CRACDL: variants seen among roughly 807,000 people sequenced by gnomAD.
CRACDL encodes CRACD-like protein.
CRACDL carries 26 observed loss-of-function variants against 70.6 expected under a neutral mutation model. The observed-to-expected ratio is 0.37, with a 90% CI of 0.27 to 0.51. CRACDL has a LOEUF of 0.51. Ranked by LOEUF, CRACDL falls within the 20% of genes least tolerant of loss-of-function variation. CRACDL has a pLI of 0.94. For missense variants in CRACDL, 1,283 were observed against 1,376.9 expected (o/e 0.93, Z 1.08); for synonymous variants, 618 against 615.2 (o/e 1.00, Z -0.07).
chr2:98,859,124 C>T (rs1013408651), intron 1 of CRACDL, among the ~76,000 whole-genome samples: 2 of 152,160 alleles, frequency 1.3e-5, no homozygotes, highest in Admixed American at 1.3e-4. Context: ...GTGACACTTT[C>T]CAGCTCATTG....
At position 98,822,514 on chromosome 2, in the gene CRACDL, C is replaced by T; in HGVS notation, c.1759G>A (p.Val587Ile). The T allele has an allele frequency of 6.9e-7, 1 of 1,458,290 alleles. No homozygotes were observed. Among genetic ancestry groups the T allele is most frequent in the Non-Finnish European group, 9.0e-7 (1 of 1,113,958 alleles). 90.3% of individuals were successfully genotyped at this position (1,458,290 alleles called of 1,614,324 possible). A position where few individuals can be genotyped will look rare whatever the true frequency, so the allele number is the denominator to read the frequency against. ...SSCRARPRPG[V>I]SRPLERASGR... ...CTGGCCCGTTCCAGCGGGCGGGAGA[C>T]GCCCGGACGAGGCCGCGCTCGGCAC... The change falls in exon 7 of 10, where the codon GTC becomes ATC. Residue 587 changes from valine to isoleucine, a missense_variant. Val to Ile is a conservative substitution (Grantham distance 29). Transcript: ENST00000397899. This position sits in a 1 kb window ranked among gnomAD's most constrained non-coding sequence, Gnocchi z 4.9.
chr2:98,895,656 T>A (rs112349736), intron 1 of CRACDL, among the ~76,000 whole-genome samples: 1 of 152,140 alleles, frequency 6.6e-6, no homozygotes, highest in Non-Finnish European at 1.5e-5. Context: ...TTGGATTCTA[T>A]TCTAAAGGTA....
At chr2:98,925,656 A>G (rs1708893685) in intron 1 of CRACDL, among the ~76,000 whole-genome samples, 1 of 152,216 alleles carries the variant, frequency 6.6e-6, no homozygotes, top group South Asian at 2.1e-4. Flanking sequence ...AGGTGGGCTC[A>G]CAGCTCTCAC....
chr2:98,838,821 AAT>A (rs1705904849), intron 2 of CRACDL, among the ~76,000 whole-genome samples: 1 of 152,212 alleles, frequency 6.6e-6, no homozygotes, highest in Non-Finnish European at 1.5e-5. Flanking sequence ...TGAGAAAAAC[AAT>A]GAGACTGGTC....
intron 1 of CRACDL, among the ~76,000 whole-genome samples, chr2:98,932,077 C>CTGA (rs1295951245): frequency 1.3e-5 from 2 of 152,194 alleles, no homozygotes; most frequent in African/African-American, 4.8e-5. Flanking sequence ...GAGAATTCTC[C>CTGA]TGATTTCCGT....
intron 7 of CRACDL, among the ~76,000 whole-genome samples, chr2:98,820,069 C>T (rs866054510): frequency 6.6e-6 from 1 of 151,600 alleles, no homozygotes; most frequent in Non-Finnish European, 1.5e-5. Context: ...CCGCCTGCCT[C>T]GGCGTCCCAA....
intron 7 of CRACDL, among the ~76,000 whole-genome samples, chr2:98,799,521 C>G (rs1275240461): frequency 6.6e-6 from 1 of 152,184 alleles, no homozygotes; most frequent in Admixed American, 6.5e-5. Flanking sequence ...TGCTGCACCT[C>G]TTGGACTCAT....
intron 1 of CRACDL, among the ~76,000 whole-genome samples, chr2:98,911,892 C>A: frequency 6.6e-6 from 1 of 152,216 alleles, no homozygotes. Context: ...ACAAAGGTAA[C>A]ATGATGTGCC....
intron 9 of CRACDL, 21 bp from the exon 10 acceptor site, chr2:98,794,692 A>T: frequency 6.3e-7 from 1 of 1,595,894 alleles, no homozygotes; most frequent in Non-Finnish European, 8.6e-7. Context: ...GGGAGACAAA[A>T]CCAACAGAAA....
chr2:98,860,949 T>A (rs1173309388), intron 1 of CRACDL, among the ~76,000 whole-genome samples: 1 of 152,180 alleles, frequency 6.6e-6, no homozygotes, highest in East Asian at 1.9e-4. Flanking sequence ...GATTTGAACA[T>A]AACTTGCACA....
At chr2:98,931,297 C>A (rs1160202989) in intron 1 of CRACDL, among the ~76,000 whole-genome samples, 2 of 144,750 alleles carry the variant, frequency 1.4e-5, no homozygotes, top group Non-Finnish European at 3.0e-5. Flanking sequence ...TGCACTCCAG[C>A]CTGGGCGACA....
intron 1 of CRACDL, among the ~76,000 whole-genome samples, chr2:98,892,466 G>A (rs941587553): frequency 2.6e-5 from 4 of 152,034 alleles, no homozygotes; most frequent in East Asian, 1.9e-4. Flanking sequence ...TGAGGTGGGC[G>A]GATCACTTGA....
chr2:98,839,575 A>G (rs1171699751), intron 2 of CRACDL, among the ~76,000 whole-genome samples: 1 of 152,194 alleles, frequency 6.6e-6, no homozygotes, highest in Non-Finnish European at 1.5e-5. Flanking sequence ...TGGTCTCCTC[A>G]AGTGTAACTG....
intron 7 of CRACDL, among the ~76,000 whole-genome samples, chr2:98,809,319 C>G (rs1426680813): frequency 2.0e-5 from 3 of 152,002 alleles, no homozygotes; most frequent in African/African-American, 7.3e-5. Context: ...CCAGCCACCA[C>G]TGGGACTCTG....
chr2:98,794,549 G>T lies in CRACDL; in HGVS notation c.2872C>A (p.Pro958Thr). Reference sequence around the variant, plus strand: ...CTGCCCACCTATTTTATAATCTGGGGCATGTCACTCCAAGCTTGAGATTTC... The same window carrying T: ...CTGCCCACCTATTTTATAATCTGGGTCATGTCACTCCAAGCTTGAGATTTC... ...RKKSQAWSDMPQIIK is the reference protein window; with the variant it reads ...RKKSQAWSDMTQIIK Residue 958 changes from proline to threonine, a missense_variant, in exon 10 of 10, where the codon CCC (proline) becomes ACC (threonine). By Grantham distance (38) the Pro-to-Thr change is conservative (BLOSUM62 -1). Transcript: ENST00000397899. 3 of 1,613,944 alleles carry T rather than the reference G, an allele frequency of 1.9e-6. No individual in the cohort carries two copies. Among genetic ancestry groups the T allele is most frequent in the Non-Finnish European group, 2.5e-6 (3 of 1,179,880 alleles).
intron 1 of CRACDL, among the ~76,000 whole-genome samples, chr2:98,889,017 A>G (rs1707873063): frequency 6.6e-6 from 1 of 151,620 alleles, no homozygotes; most frequent in Non-Finnish European, 1.5e-5. Context: ...AGTCCCAGCT[A>G]CTCGGGAGGC....
intron 7 of CRACDL, among the ~76,000 whole-genome samples, chr2:98,817,971 G>T (rs1704856179): frequency 6.6e-6 from 1 of 152,098 alleles, no homozygotes; most frequent in Admixed American, 6.5e-5. Context: ...ACCTAGGAGT[G>T]ATTTTTTTTT....
intron 1 of CRACDL, among the ~76,000 whole-genome samples, chr2:98,881,648 G>C (rs1046993874): frequency 1.8e-4 from 27 of 152,152 alleles, no homozygotes; most frequent in African/African-American, 6.5e-4. Flanking sequence ...CCTTCAGCTG[G>C]GGCGCCATGT....
intron 1 of CRACDL, among the ~76,000 whole-genome samples, chr2:98,932,294 A>T (rs575216992): frequency 1.4e-4 from 22 of 152,246 alleles, no homozygotes; most frequent in Middle Eastern, 6.8e-3. Context: ...CTTGCATCTC[A>T]CATCCATGTG....
Sources: gnomAD v4.1 joint callset for allele counts (sites outside exome capture counted in the v4.1 genomes callset) on GRCh38, gnomAD v4.1.1 for gene constraint, Gnocchi (gnomAD v3.1) non-coding constraint, MANE v1.5 for transcripts, NCBI Gene and HGNC (gene_info 2026-07-23, HGNC 2026-07-21) for gene names.